The following VPS13A variants were observed in gnomAD, a reference collection of about 807,000 sequenced individuals.
VPS13A encodes intermembrane lipid transfer protein VPS13A.
A neutral mutation model predicts 390.9 loss-of-function variants in VPS13A; 264 were observed. That is an observed-to-expected ratio of 0.68 (90% CI 0.61 to 0.75). The LOEUF (loss-of-function observed/expected upper bound fraction) is 0.75. VPS13A is among the 30% of genes least tolerant of loss of function. VPS13A has a pLI of 0.00. For synonymous variants in VPS13A, 1,231 were observed against 1,227.1 expected (o/e 1.00, Z -0.07); for missense variants, 3,409 against 3,733.9 (o/e 0.91, Z 2.27).
chr9:77,177,714 G>T lies in VPS13A; in HGVS notation c.10G>T (p.Glu4Ter), dbSNP rs747922827. Residue 4 changes from glutamate (E) to a stop codon, truncating the protein, a stop_gained, in exon 1 of 72, where the codon GAG (glutamate) becomes TAG (stop). Coordinates refer to ENST00000360280, the MANE Select transcript of VPS13A (RefSeq NM_033305.3). LOFTEE classifies it high-confidence loss of function. ...ACCACGGCTGAGGAACATGGTTTTCGAGTCGGTGGTCGTGGACGTGTTGAA... is the reference window on the plus strand; with the variant it reads ...ACCACGGCTGAGGAACATGGTTTTCTAGTCGGTGGTCGTGGACGTGTTGAA... MVF[E>*]SVVVDVLNRF... 7 of 1,613,298 alleles carry T rather than the reference G, an allele frequency of 4.3e-6. No individual in the cohort carries two copies. The South Asian group carries it at 7.7e-5, about 18-fold the overall frequency.
At position 77,419,688 on chromosome 9, in the gene VPS13A, C is replaced by T. The variant is rs1430816855; in HGVS notation, c.*3682C>T. ...GAAAAATTAGATCCACACACAGCACCCAAAAAAGGCCATAGTCTTTTGTTT... is the reference window on the plus strand; with the variant it reads ...GAAAAATTAGATCCACACACAGCACTCAAAAAAGGCCATAGTCTTTTGTTT... On this transcript the variant is annotated 3_prime_UTR_variant, in exon 72 of 72. Transcript: ENST00000360280. 3 of 152,110 alleles carry T rather than the reference C, an allele frequency of 2.0e-5. No homozygotes were observed. The highest frequency in any genetic ancestry group is 7.2e-5 in the African/African-American group (3 of 41,426). The allele number at this position is 152,110 out of a possible 1,614,324, so 9.4% of individuals were successfully genotyped here.
intron 35 of VPS13A, among the ~76,000 whole-genome samples, chr9:77,312,688 T>C (rs999409561): frequency 3.3e-5 from 5 of 152,294 alleles, no homozygotes; most frequent in Non-Finnish European, 7.4e-5. Context: ...GTGCTGGGAT[T>C]ACAGGTGTGA....
At chr9:77,380,469 G>T (rs756028425) in intron 67 of VPS13A, among the ~76,000 whole-genome samples, 7 of 151,650 alleles carry the variant, frequency 4.6e-5, no homozygotes, top group East Asian at 1.9e-4. Flanking sequence ...ATGCCACCAC[G>T]CCCGGCTAAT....
chr9:77,204,502 T>C (rs1322505347), intron 3 of VPS13A, among the ~76,000 whole-genome samples: 1 of 152,216 alleles, frequency 6.6e-6, no homozygotes. Context: ...TTCATATATA[T>C]AGTTTATATG....
At chr9:77,227,994 A>G in intron 16 of VPS13A, 128 bp from the exon 17 acceptor site, 1 of 684,706 alleles carries the variant, frequency 1.5e-6, no homozygotes, top group Non-Finnish European at 2.2e-6. Context: ...GGTCAATGTG[A>G]TGATTCTTGA....
Position 77,314,000 on chromosome 9 carries a change from G to C in VPS13A, c.4123G>C (p.Val1375Leu). ...NASHHSGGATVVTAAVVEVHS... is the reference protein window; with the variant it reads ...NASHHSGGATLVTAAVVEVHS... ...ACTTTAATTTTTTCAAGGAGCAACT[G>C]TGGTGACAGCTGCTGTGGTAGAAGT... The change falls in exon 36 of 72, where the codon GTG becomes CTG. Residue 1375 changes from valine (V) to leucine (L), a missense_variant. This residue lies in a region of VPS13A where 2,717 missense variants were observed against 2,917.4 expected (regional missense o/e 0.93). Transcript: ENST00000360280. 1.2e-6 allele frequency: 2 copies of C among 1,612,890 alleles called. No individual in the cohort carries two copies. The highest frequency in any genetic ancestry group is 1.7e-6 in the Non-Finnish European group (2 of 1,179,400).
intron 32 of VPS13A, among the ~76,000 whole-genome samples, chr9:77,294,328 T>G (rs1026020476): frequency 1.3e-5 from 2 of 152,196 alleles, no homozygotes; most frequent in Non-Finnish European, 2.9e-5. Context: ...TTATTTCGGC[T>G]TTTCTTGTTT....
At chr9:77,218,112 CT>C (rs1190614257) in intron 10 of VPS13A, among the ~76,000 whole-genome samples, 79 of 138,214 alleles carry the variant, frequency 5.7e-4, no homozygotes, top group East Asian at 3.1e-3. Context: ...TCTTTGCCCA[CT>C]TTTTTTTTTT....
chr9:77,295,076 G>A (rs971611985), intron 32 of VPS13A, among the ~76,000 whole-genome samples: 1 of 151,840 alleles, frequency 6.6e-6, no homozygotes, highest in Non-Finnish European at 1.5e-5. Context: ...TGAAAATTAG[G>A]TATAAGAGTA....
intron 52 of VPS13A, among the ~76,000 whole-genome samples, chr9:77,349,478 T>C (rs1831337798): frequency 6.6e-6 from 1 of 152,170 alleles, no homozygotes; most frequent in Non-Finnish European, 1.5e-5. Context: ...CCAAATAGGT[T>C]CCCGATGTCA....
chr9:77,304,340 A>G (rs909612221), intron 34 of VPS13A, among the ~76,000 whole-genome samples: 3 of 152,214 alleles, frequency 2.0e-5, no homozygotes, highest in Non-Finnish European at 4.4e-5. Context: ...AATTAACAAC[A>G]TCTCTGCAAA....
intron 22 of VPS13A, among the ~76,000 whole-genome samples, chr9:77,256,491 A>G (rs940725271): frequency 6.6e-6 from 1 of 152,064 alleles, no homozygotes; most frequent in Non-Finnish European, 1.5e-5. Flanking sequence ...TATATATGTC[A>G]TTTTAGTCCA....
chr9:77,374,878 C>T (rs1255968390), intron 67 of VPS13A, among the ~76,000 whole-genome samples: 1 of 152,010 alleles, frequency 6.6e-6, no homozygotes, highest in African/African-American at 2.4e-5. Context: ...TAATCTTTTT[C>T]CTTTGTGTTT....
intron 13 of VPS13A, among the ~76,000 whole-genome samples, chr9:77,222,640 C>T (rs985041347): frequency 2.6e-5 from 4 of 152,054 alleles, no homozygotes; most frequent in African/African-American, 4.8e-5. Flanking sequence ...GTCTATGTGT[C>T]ACATTTTGGT....
chr9:77,384,901 A>G (rs1306375383), intron 68 of VPS13A: 43 of 1,376,654 alleles, frequency 3.1e-5, no homozygotes, highest in Non-Finnish European at 3.6e-5. Flanking sequence ...CATATTATAG[A>G]TTTGCTTTTA....
intron 1 of VPS13A, among the ~76,000 whole-genome samples, chr9:77,192,054 T>C (rs1824719365): frequency 6.6e-6 from 1 of 152,190 alleles, no homozygotes; most frequent in South Asian, 2.1e-4. Context: ...GTATTTAGGA[T>C]AGTTAAGTCT....
At chr9:77,316,508 C>A in intron 39 of VPS13A, 102 bp downstream of exon 39, 1 of 951,692 alleles carries the variant, frequency 1.1e-6, no homozygotes, top group Non-Finnish European at 1.7e-6. Context: ...CAACCTTGCT[C>A]TGTAAAATGT....
chr9:77,397,371 G>A (rs1834158071), intron 68 of VPS13A, among the ~76,000 whole-genome samples: 1 of 152,020 alleles, frequency 6.6e-6, no homozygotes, highest in Non-Finnish European at 1.5e-5. Context: ...TTCCACATGA[G>A]TCAGATATTG....
intron 59 of VPS13A, among the ~76,000 whole-genome samples, chr9:77,364,652 A>G (rs1055242730): frequency 2.0e-5 from 3 of 152,128 alleles, no homozygotes; most frequent in African/African-American, 7.2e-5. Flanking sequence ...TTAGTCTGGG[A>G]GAGGGGACAG....
Sources: gnomAD v4.1 joint callset for allele counts (sites outside exome capture counted in the v4.1 genomes callset) on GRCh38, gnomAD v4.1.1 for gene constraint, gnomAD v4.1.1 regional missense constraint, MANE v1.5 for transcripts, NCBI Gene and HGNC (gene_info 2026-07-23, HGNC 2026-07-21) for gene names.